The following DPP10 variants were observed in gnomAD, a reference collection of about 807,000 sequenced individuals.
DPP10 encodes inactive dipeptidyl peptidase 10.
A neutral mutation model predicts 120.9 loss-of-function variants in DPP10; 33 were observed. That is an observed-to-expected ratio of 0.27 (90% CI 0.21 to 0.37). The LOEUF (loss-of-function observed/expected upper bound fraction) is 0.37, where lower values mean the gene tolerates loss of function less well. Among genes scored for constraint, DPP10 ranks in the 10% least tolerant of loss-of-function variants. The probability of loss-of-function intolerance (pLI) is 1.00; values close to 1 mark genes in which losing one functional copy is unlikely to be tolerated. For synonymous variants in DPP10, 337 were observed against 326.1 expected (o/e 1.03, Z -0.36); for missense variants, 816 against 942.8 (o/e 0.87, Z 1.76).
At chr2:114,773,564 C>A (rs1386694859) in intron 1 of DPP10, among the ~76,000 whole-genome samples, 1 of 152,212 alleles carries the variant, frequency 6.6e-6, no homozygotes, top group Non-Finnish European at 1.5e-5. Context: ...CTGCTCACAA[C>A]TTCTCTCAAA....
intron 19 of DPP10, among the ~76,000 whole-genome samples, chr2:115,809,057 A>G (rs72828602): frequency 1.1e-3 from 167 of 152,328 alleles, no homozygotes; most frequent in Non-Finnish European, 1.8e-3. Context: ...ATGGAAGAAG[A>G]TGGGAATGTG....
chr2:114,653,059 T>TGTGTGTGTGTGTGTGTGTG (rs34619030), intron 1 of DPP10, among the ~76,000 whole-genome samples: 2 of 151,008 alleles, frequency 1.3e-5, no homozygotes, highest in Admixed American at 6.6e-5. Flanking sequence ...TGTGTGTGTG[T>TGTGTGTGTGTGTGTGTGTG]TTTACTACCT....
chr2:115,006,752 C>A (rs1270491825), intron 1 of DPP10, among the ~76,000 whole-genome samples: 1 of 152,030 alleles, frequency 6.6e-6, no homozygotes, highest in Non-Finnish European at 1.5e-5. Context: ...GACTTAGACT[C>A]CCACACATTA....
chr2:114,451,663 A>C (rs2104537949), intron 1 of DPP10, among the ~76,000 whole-genome samples: 1 of 152,238 alleles, frequency 6.6e-6, no homozygotes, highest in South Asian at 2.1e-4. Context: ...GTGAGAAACA[A>C]GGCTGCAAAT....
At chr2:114,454,958 G>C (rs1573386436) in intron 1 of DPP10, among the ~76,000 whole-genome samples, 2 of 152,258 alleles carry the variant, frequency 1.3e-5, no homozygotes, top group East Asian at 3.9e-4. Flanking sequence ...GGCTCAAAAA[G>C]AACTTGCTAA....
intron 1 of DPP10, among the ~76,000 whole-genome samples, chr2:114,871,003 T>C (rs1690647283): frequency 7.5e-6 from 1 of 133,638 alleles, no homozygotes; most frequent in Non-Finnish European, 1.6e-5. Flanking sequence ...TTTTTGTTAC[T>C]TAATTTAAGC....
intron 1 of DPP10, among the ~76,000 whole-genome samples, chr2:115,282,985 T>C (rs2060222464): frequency 6.6e-6 from 1 of 152,118 alleles, no homozygotes; most frequent in Admixed American, 6.6e-5. Flanking sequence ...CTTCTATGTA[T>C]ATTTAGAATC....
intron 1 of DPP10, among the ~76,000 whole-genome samples, chr2:114,874,798 A>G (rs959263034): frequency 1.3e-5 from 2 of 152,100 alleles, no homozygotes; most frequent in African/African-American, 2.4e-5. Flanking sequence ...GATTTTACAG[A>G]CAAGGAAATT....
chr2:115,100,459 A>C (rs75472079), intron 1 of DPP10, among the ~76,000 whole-genome samples: 20,320 of 150,470 alleles, frequency 0.14, 1,456 homozygotes, highest in East Asian at 0.32. Context: ...TAAATTAAAA[A>C]ACACACACAC....
intron 1 of DPP10, among the ~76,000 whole-genome samples, chr2:114,824,504 T>A (rs1211344352): frequency 1.3e-5 from 2 of 152,154 alleles, no homozygotes; most frequent in African/African-American, 2.4e-5. Flanking sequence ...CTGAGTGACA[T>A]TTAGACAAAA....
chr2:114,734,948 C>T (rs1392422026), intron 1 of DPP10, among the ~76,000 whole-genome samples: 3 of 152,154 alleles, frequency 2.0e-5, no homozygotes, highest in Non-Finnish European at 4.4e-5. Flanking sequence ...AGGCCTCTCT[C>T]CTTAGCTCAT....
chr2:114,901,473 G>A (rs186341885), intron 1 of DPP10, among the ~76,000 whole-genome samples: 2 of 152,234 alleles, frequency 1.3e-5, no homozygotes, highest in African/African-American at 4.8e-5. Context: ...TGGGATTACG[G>A]GAGTGAGCCA....
chr2:114,780,899 T>C (rs1682268488), intron 1 of DPP10, among the ~76,000 whole-genome samples: 1 of 152,146 alleles, frequency 6.6e-6, no homozygotes. Context: ...ATTGGGAAGA[T>C]TATTCTATTG....
At chr2:115,591,567 A>G (rs1197763880) in intron 5 of DPP10, among the ~76,000 whole-genome samples, 1 of 152,148 alleles carries the variant, frequency 6.6e-6, no homozygotes, top group Non-Finnish European at 1.5e-5. Context: ...GCCTTGTAGT[A>G]TAGTTTGAAG....
chr2:115,753,508 C>T (rs1044680107), intron 11 of DPP10, among the ~76,000 whole-genome samples: 1 of 152,182 alleles, frequency 6.6e-6, no homozygotes, highest in East Asian at 1.9e-4. Flanking sequence ...CAGAAGAGAA[C>T]AAACTGAGCT....
At chr2:115,831,694 A>T (rs1449906920) in intron 21 of DPP10, among the ~76,000 whole-genome samples, 2 of 152,240 alleles carry the variant, frequency 1.3e-5, no homozygotes, top group African/African-American at 4.8e-5. Flanking sequence ...AAGTCCTTCT[A>T]TCTATTGAAT....
At chr2:115,501,840 C>T (rs1190218904) in intron 4 of DPP10, among the ~76,000 whole-genome samples, 3 of 151,830 alleles carry the variant, frequency 2.0e-5, no homozygotes, top group Non-Finnish European at 4.4e-5. Context: ...AGGCTAAAAC[C>T]GGGATTTAAT....
At chr2:115,206,578 C>G (rs912403480) in intron 1 of DPP10, among the ~76,000 whole-genome samples, 1 of 152,086 alleles carries the variant, frequency 6.6e-6, no homozygotes, top group Non-Finnish European at 1.5e-5. Context: ...CATATTTGTT[C>G]TACAGAAGAC....
chr2:114,685,612 C>T (rs1699314050), intron 1 of DPP10, among the ~76,000 whole-genome samples: 1 of 151,946 alleles, frequency 6.6e-6, no homozygotes, highest in Non-Finnish European at 1.5e-5. Flanking sequence ...CCTAAACTCG[C>T]AATTCTGCTT....
Sources: gnomAD v4.1 joint callset for allele counts (sites outside exome capture counted in the v4.1 genomes callset) on GRCh38, gnomAD v4.1.1 for gene constraint, MANE v1.5 for transcripts, NCBI Gene and HGNC (gene_info 2026-07-23, HGNC 2026-07-21) for gene names.